The following SLC22A2 variants were observed in gnomAD, a reference collection of about 807,000 sequenced individuals.
The protein encoded by SLC22A2 is solute carrier family 22 member 2.
A neutral mutation model predicts 60.5 loss-of-function variants in SLC22A2; 46 were observed. That is an observed-to-expected ratio of 0.76 (90% confidence interval 0.60 to 0.97). The LOEUF is 0.97. Ranked by LOEUF, SLC22A2 falls within the 50% of genes least tolerant of loss-of-function variation. The probability of loss-of-function intolerance (pLI) is 0.00; values close to 1 mark genes in which losing one functional copy is unlikely to be tolerated. For synonymous variants in SLC22A2, 303 were observed against 267.0 expected, an observed-to-expected ratio of 1.13 and a Z score of -1.31; for missense variants, 701 against 706.6, an observed-to-expected ratio of 0.99 and a Z score of 0.09.
chr6:160,218,271 C>T (rs956331193), intron 10 of SLC22A2: 4 of 335,566 alleles, frequency 1.2e-5, no homozygotes, highest in African/African-American at 4.4e-5. Context: ...AGTTGAGCTC[C>T]TCTGGTCTCT....
chr6:160,227,001 T>G (rs1782735448), intron 9 of SLC22A2, among the ~76,000 whole-genome samples: 1 of 152,112 alleles, frequency 6.6e-6, no homozygotes, highest in Non-Finnish European at 1.5e-5. Context: ...GACCATAGAA[T>G]AATATCACAT....
At chr6:160,221,041 T>A (rs774862395) in intron 10 of SLC22A2, among the ~76,000 whole-genome samples, 2 of 152,188 alleles carry the variant, frequency 1.3e-5, no homozygotes, top group Non-Finnish European at 2.9e-5. Context: ...AAACCAGACA[T>A]TGATTTTTTC....
intron 1 of SLC22A2, chr6:160,257,677 TCTC>T (rs1783296344): frequency 6.6e-6 from 1 of 152,230 alleles, no homozygotes; most frequent in Non-Finnish European, 1.5e-5. Context: ...CAACTGGCTC[TCTC>T]AGTATTTTCA....
At chr6:160,248,918 C>T (rs1338823061) in intron 4 of SLC22A2, among the ~76,000 whole-genome samples, 9 of 152,136 alleles carry the variant, frequency 5.9e-5, no homozygotes, top group South Asian at 2.1e-4. Context: ...AAGGGTCTAC[C>T]GTCCAAATTG....
intron 2 of SLC22A2, among the ~76,000 whole-genome samples, chr6:160,256,056 C>T (rs1008422793): frequency 2.6e-5 from 4 of 152,078 alleles, no homozygotes; most frequent in African/African-American, 7.2e-5. Flanking sequence ...GACATTTACC[C>T]CTCGTGTTGT....
At chr6:160,226,522 C>T (rs545719149) in intron 9 of SLC22A2, among the ~76,000 whole-genome samples, 3 of 152,250 alleles carry the variant, frequency 2.0e-5, no homozygotes, top group South Asian at 2.1e-4. Flanking sequence ...ATAAGGCAAA[C>T]GCTAAGCTGT....
Position 160,217,368 on chromosome 6 carries a change from G to T in SLC22A2, c.*64C>A, listed in dbSNP as rs536800513. ...GTATGGGCTTTGTGATGAGTGCAGG[G>T]ATTTCTACTTTTGGTCTTGCTGCCA... On this transcript the variant is annotated 3_prime_UTR_variant, in exon 11 of 11. Coordinates refer to ENST00000366953, the MANE Select transcript of SLC22A2 (RefSeq NM_003058.4). 44 of 1,040,482 alleles carry T rather than the reference G, an allele frequency of 4.2e-5. No homozygotes were observed. The South Asian group carries it at 5.3e-4, about 13-fold the overall frequency. The allele number at this position is 1,040,482 out of a possible 1,614,324, so 64.5% of individuals were successfully genotyped here.
At chr6:160,234,032 C>A (rs953414940) in intron 9 of SLC22A2, among the ~76,000 whole-genome samples, 3 of 152,148 alleles carry the variant, frequency 2.0e-5, no homozygotes, top group Non-Finnish European at 4.4e-5. Context: ...TTGAAAATGG[C>A]CTGTTCCTGC....
At chr6:160,224,555 T>C in intron 10 of SLC22A2, 150 bp downstream of exon 10, 1 of 428,622 alleles carries the variant, frequency 2.3e-6, no homozygotes, top group Non-Finnish European at 4.1e-6. Context: ...ATTTTACTAA[T>C]TTTTTTGATG....
At chr6:160,257,539 C>G (rs1468454835) in intron 1 of SLC22A2, among the ~76,000 whole-genome samples, 1 of 152,090 alleles carries the variant, frequency 6.6e-6, no homozygotes, top group African/African-American at 2.4e-5. Flanking sequence ...TGGTGTGAAG[C>G]CCATGAGCTG....
chr6:160,248,952 T>G (rs2114868295), intron 4 of SLC22A2, among the ~76,000 whole-genome samples: 1 of 152,294 alleles, frequency 6.6e-6, no homozygotes, highest in East Asian at 1.9e-4. Context: ...AGAAGCTAAT[T>G]TAAACACCAA....
chr6:160,223,790 C>T (rs563264608), intron 10 of SLC22A2, among the ~76,000 whole-genome samples: 18 of 152,232 alleles, frequency 1.2e-4, no homozygotes, highest in African/African-American at 3.6e-4. Flanking sequence ...TGCAGTGGCA[C>T]GATCTCAGCT....
intron 6 of SLC22A2, 91 bp from the exon 7 acceptor site, chr6:160,243,877 G>T (rs559056992): frequency 1.6e-5 from 13 of 833,830 alleles, no homozygotes; most frequent in East Asian, 2.6e-5. Flanking sequence ...TGGATTGTAG[G>T]TCACCTTTCC....
intron 10 of SLC22A2, among the ~76,000 whole-genome samples, chr6:160,219,093 TAAC>T (rs1782597871): frequency 1.5e-4 from 1 of 6,638 alleles, no homozygotes. Context: ...TCAGCAACAA[TAAC>T]AGCAACAGAA....
At chr6:160,249,748 AT>A (rs1167303997) in intron 3 of SLC22A2, among the ~76,000 whole-genome samples, 1 of 152,230 alleles carries the variant, frequency 6.6e-6, no homozygotes, top group Non-Finnish European at 1.5e-5. Flanking sequence ...ACCGTAGATG[AT>A]TTTTATGTAA....
In SLC22A2 at chr6:160,247,241, C is replaced by T. The variant is rs759991783; in HGVS notation, c.900G>A (p.Met300Ile). Reference protein sequence around the residue: ...LISQNKNAEAMRIIKHIAKKN... With the variant: ...LISQNKNAEAIRIIKHIAKKN... ...TCTTTGCGATGTGCTTAATGATTCT[C>T]ATGGCTTCAGCATTCTTATTCTGGG... The change falls in exon 5 of 11, where the codon ATG (methionine) becomes ATA (isoleucine). Residue 300 changes from methionine (M) to isoleucine (I), a missense_variant. By Grantham distance (10) the Met-to-Ile change is conservative. Transcript: ENST00000366953. 2 of 1,613,862 alleles carry T rather than the reference C, an allele frequency of 1.2e-6. No homozygotes were observed. Among genetic ancestry groups the T allele is most frequent in the Non-Finnish European group, 1.7e-6 (2 of 1,179,750 alleles).
chr6:160,242,955 A>T (rs1177747620), intron 7 of SLC22A2, among the ~76,000 whole-genome samples: 1 of 152,188 alleles, frequency 6.6e-6, no homozygotes, highest in Admixed American at 6.5e-5. Flanking sequence ...TCAGTTGTTA[A>T]TGACAACGGA....
chr6:160,221,325 A>G (rs1782641558), intron 10 of SLC22A2, among the ~76,000 whole-genome samples: 1 of 152,218 alleles, frequency 6.6e-6, no homozygotes, highest in African/African-American at 2.4e-5. Context: ...CATATAATGG[A>G]AAAGAGTTAG....
intron 9 of SLC22A2, among the ~76,000 whole-genome samples, chr6:160,231,714 C>A (rs1782827525): frequency 6.6e-6 from 1 of 151,880 alleles, no homozygotes; most frequent in Non-Finnish European, 1.5e-5. Flanking sequence ...TAATACCTCC[C>A]TCCACAACCC....
Sources: allele counts gnomAD v4.1 joint callset (sites outside exome capture counted in the v4.1 genomes callset), GRCh38; gene constraint gnomAD v4.1.1; transcripts MANE v1.5; gene names NCBI Gene and HGNC (gene_info 2026-07-23, HGNC 2026-07-21).